RFC2: variants seen among roughly 807,000 people sequenced by gnomAD.
RFC2 encodes the protein A1 40 kDa subunit.
RFC2 carries 34 observed loss-of-function variants against 44.8 expected under a neutral mutation model. The ratio of observed to expected loss-of-function variants is 0.76; its 90% CI spans 0.58 to 1.01. RFC2 has a LOEUF of 1.01. Among genes scored for constraint, RFC2 ranks in the 50% least tolerant of loss-of-function variants. The pLI is 0.00. For synonymous variants in RFC2, 177 were observed against 168.9 expected (o/e 1.05, Z -0.37); for missense variants, 400 against 453.6 (o/e 0.88, Z 1.07).
At position 74,235,631 on chromosome 7, in the gene RFC2, C is replaced by T. The variant is rs1397085223; in HGVS notation, c.855G>A (p.Leu285=). ...CTTCTGGTGAGTAGCCCAGATGCCA[C>T]AAGTGAGCAAGAATCTAGACAAAGG... ...IDEAYKILAH[L]WHLGYSPEDI... The change falls in exon 10 of 11, where the codon TTG becomes TTA. Residue 285 remains leucine (L), a synonymous_variant. Coordinates refer to ENST00000055077, the MANE Select transcript of RFC2 (RefSeq NM_181471.3). 1.2e-6 allele frequency: 2 copies of T among 1,609,184 alleles called. No individual in the cohort carries two copies. The highest frequency in any genetic ancestry group is 8.5e-7 in the Non-Finnish European group (1 of 1,175,644).
At chr7:74,243,731 G>C (rs1238763804) in intron 5 of RFC2, among the ~76,000 whole-genome samples, 1 of 150,194 alleles carries the variant, frequency 6.7e-6, no homozygotes, top group Non-Finnish European at 1.5e-5. Context: ...AGGCTGATGC[G>C]GGAGGACCGC....
intron 2 of RFC2, among the ~76,000 whole-genome samples, chr7:74,250,016 G>A (rs1209438260): frequency 6.6e-6 from 1 of 151,852 alleles, no homozygotes; most frequent in Non-Finnish European, 1.5e-5. Context: ...AGCCAGGTGT[G>A]GTGGTGTGCT....
intron 1 of RFC2, 62 bp from the exon 2 acceptor site, chr7:74,252,560 C>A (rs554797179): frequency 1.1e-6 from 1 of 939,934 alleles, no homozygotes; most frequent in Admixed American, 1.7e-5. Flanking sequence ...ACAAAAAGCA[C>A]CTAAGGGTTA....
intron 1 of RFC2, among the ~76,000 whole-genome samples, chr7:74,253,288 T>G (rs1787078011): frequency 1.3e-5 from 2 of 151,916 alleles, no homozygotes; most frequent in African/African-American, 4.8e-5. Flanking sequence ...TGGTGCGATC[T>G]TGGGTCACTA....
rs782388113 is a variant in RFC2 at position 74,235,658 on chromosome 7, G to A, written c.841-13C>T. 3.9e-6 allele frequency: 6 copies of A among 1,543,544 alleles called. No homozygotes were observed. In the South Asian group the frequency reaches 6.7e-5, roughly 17 times the overall value. ...AGTGAGCAAGAATCTAGACAAAGGAGACAGAAAAGGCTGCTTACCACTTTA... is the reference window on the plus strand; with the variant it reads ...AGTGAGCAAGAATCTAGACAAAGGAAACAGAAAAGGCTGCTTACCACTTTA... On this transcript the variant is annotated splice_polypyrimidine_tract_variant and intron_variant, in intron 9 of 10. Transcript: ENST00000055077.
At chr7:74,242,692 G>A (rs1053735306) in intron 6 of RFC2, among the ~76,000 whole-genome samples, 9 of 147,840 alleles carry the variant, frequency 6.1e-5, no homozygotes, top group African/African-American at 2.3e-4. Context: ...CGAGGCAGGC[G>A]ATCACGAGGT....
At chr7:74,248,637 G>A (rs145839709) in intron 4 of RFC2, among the ~76,000 whole-genome samples, 5,450 of 151,952 alleles carry the variant, frequency 0.036, 136 homozygotes, top group Non-Finnish European at 0.056. Context: ...GAGTAGCTGG[G>A]ATTACAGGCA....
intron 9 of RFC2, among the ~76,000 whole-genome samples, chr7:74,236,336 G>A (rs145771916): frequency 2.0e-5 from 3 of 152,304 alleles, no homozygotes; most frequent in African/African-American, 7.2e-5. Flanking sequence ...CTGGGCCTGG[G>A]TCTCTGCTCA....
chr7:74,240,200 G>A lies in RFC2; in HGVS notation c.536-105C>T, dbSNP rs1803251262. 4 of 1,011,832 alleles carry A rather than the reference G, an allele frequency of 4.0e-6. No individual in the cohort carries two copies. The African/African-American group carries it at 4.8e-5, about 12-fold the overall frequency. 62.7% of individuals were successfully genotyped at this position (1,011,832 alleles called of 1,614,324 possible). A position where few individuals can be genotyped will look rare whatever the true frequency, so the allele number is the denominator to read the frequency against. On this transcript the variant is annotated intron_variant, in intron 6 of 10. Coordinates refer to ENST00000055077, the MANE Select transcript of RFC2 (RefSeq NM_181471.3). ...AGCTGCACAATCCACACAGCCCCAG[G>A]CACTCAATAGAGACTTGGTAGGCCG...
At position 74,238,795 on chromosome 7, in the gene RFC2, G is replaced by T. The variant is rs1018687643; in HGVS notation, c.759+128C>A. 5.7e-6 allele frequency: 4 copies of T among 703,290 alleles called. No homozygotes were observed. The highest frequency in any genetic ancestry group is 1.0e-5 in the Non-Finnish European group (4 of 396,248). The allele number at this position is 703,290 out of a possible 1,614,324, so 43.6% of individuals were successfully genotyped here. A position where few individuals can be genotyped will look rare whatever the true frequency, so the allele number is the denominator to read the frequency against. ...GGGAGAGGACAGACGGGAGCAGGGT[G>T]GGCTCCCTGGCACCCACAAGAGCAG... On this transcript the variant is annotated intron_variant, in intron 8 of 10. Transcript: ENST00000055077. The surrounding 1 kb of genome is among the most constrained non-coding windows in gnomAD (Gnocchi z 4.0).
intron 6 of RFC2, among the ~76,000 whole-genome samples, chr7:74,241,509 T>G (rs1803327888): frequency 6.6e-6 from 1 of 152,188 alleles, no homozygotes; most frequent in Non-Finnish European, 1.5e-5. Flanking sequence ...AATGCGCTCG[T>G]CGGCAACAGC....
intron 2 of RFC2, among the ~76,000 whole-genome samples, chr7:74,252,098 CAAAAAAAAAAA>C (rs140868309): frequency 4.6e-5 from 1 of 21,540 alleles, no homozygotes; most frequent in Non-Finnish European, 8.1e-5. Flanking sequence ...GGCTCCATCT[CAAAAAAAAAAA>C]AAAAAAAAAA....
chr7:74,237,402 A>G lies in RFC2; in HGVS notation c.800T>C (p.Ile267Thr). The change falls in exon 9 of 11, where the codon ATC becomes ACC. Residue 267 changes from isoleucine (I) to threonine (T), a missense_variant. Transcript: ENST00000055077. ...AATGTTGGCATTCACACAGTGCTGG[A>G]TCATCTCCTTTACCAGCAGTGGGTG... ...EPHPLLVKEM[I>T]QHCVNANIDE... 3 of 1,605,554 alleles carry G rather than the reference A, an allele frequency of 1.9e-6. No homozygotes were observed. The South Asian group carries it at 3.4e-5, about 18-fold the overall frequency.
intron 1 of RFC2, among the ~76,000 whole-genome samples, chr7:74,253,886 T>G (rs1220335676): frequency 6.6e-6 from 1 of 152,186 alleles, no homozygotes; most frequent in Non-Finnish European, 1.5e-5. Context: ...TAAATGTTAT[T>G]GAACCTAACA....
At chr7:74,250,125 C>G (rs966733284) in intron 2 of RFC2, among the ~76,000 whole-genome samples, 3 of 149,128 alleles carry the variant, frequency 2.0e-5, no homozygotes, top group African/African-American at 7.5e-5. Context: ...TGCACTCCAG[C>G]CTGGGAAAGA....
intron 6 of RFC2, among the ~76,000 whole-genome samples, chr7:74,242,241 T>C (rs1481606987): frequency 1.3e-5 from 2 of 152,214 alleles, no homozygotes; most frequent in East Asian, 3.9e-4. Context: ...CGTGACACCG[T>C]GCAGGGGACA....
intron 6 of RFC2, 112 bp downstream of exon 6, chr7:74,243,034 T>C (rs890538998): frequency 2.9e-6 from 2 of 691,238 alleles, no homozygotes; most frequent in Non-Finnish European, 5.0e-6. Flanking sequence ...CAGTGAGCTG[T>C]GATGGCACCA....
At chr7:74,239,293 G>A (rs1328942863) in intron 7 of RFC2, among the ~76,000 whole-genome samples, 2 of 148,572 alleles carry the variant, frequency 1.3e-5, no homozygotes, top group African/African-American at 2.5e-5. Context: ...CTTCTGCCTC[G>A]GCCTCCTGAG....
At position 74,237,284 on chromosome 7, in the gene RFC2, G is replaced by C. The variant is rs1554718465; in HGVS notation, c.840+78C>G. 5 of 913,816 alleles carry C rather than the reference G, an allele frequency of 5.5e-6. No individual in the cohort carries two copies. In the Admixed American group the frequency reaches 8.1e-5, roughly 15 times the overall value. 56.6% of individuals were successfully genotyped at this position (913,816 alleles called of 1,614,324 possible). ...ATGGAGTGATGTGTATAATGTCCCT[G>C]GTACCAGAAGGGCTCCCGCTCTCCT... On this transcript the variant is annotated intron_variant, in intron 9 of 10. Coordinates refer to ENST00000055077, the MANE Select transcript of RFC2 (RefSeq NM_181471.3).
Sources: gnomAD v4.1 joint callset for allele counts (sites outside exome capture counted in the v4.1 genomes callset) on GRCh38, gnomAD v4.1.1 for gene constraint, Gnocchi (gnomAD v3.1) non-coding constraint, MANE v1.5 for transcripts, NCBI Gene and HGNC (gene_info 2026-07-23, HGNC 2026-07-21) for gene names.